Variants in ATXN7L1 observed in about 807,000 individuals in gnomAD.
The protein encoded by ATXN7L1 is ataxin 7 like 1.
Under a neutral mutation model 70.8 loss-of-function variants are expected in ATXN7L1, and 15 were observed. The observed-to-expected ratio is 0.21, with a 90% CI of 0.14 to 0.33. The LOEUF (loss-of-function observed/expected upper bound fraction) is 0.33, where lower values mean the gene tolerates loss of function less well. ATXN7L1 is among the 10% of genes least tolerant of loss of function. The pLI, the probability that ATXN7L1 is intolerant of heterozygous loss-of-function variation, is 1.00. For synonymous variants in ATXN7L1, 440 were observed against 445.1 expected, an observed-to-expected ratio of 0.99 and a Z score of 0.14; for missense variants, 975 against 1,097.1, an observed-to-expected ratio of 0.89 and a Z score of 1.57.
Position 105,857,222 on chromosome 7 carries a change from C to G in ATXN7L1, c.250+18590G>C, listed in dbSNP as rs76357706. Among the ~76,000 whole-genome samples, 1,418 of 152,268 alleles carry G rather than the reference C, an allele frequency of 9.3e-3. 13 individuals are homozygous for G. The highest frequency in any genetic ancestry group is 0.024 in the Middle Eastern group (7 of 294). On this transcript the variant is annotated intron_variant, in intron 2 of 11. Coordinates refer to ENST00000419735, the MANE Select transcript of ATXN7L1 (RefSeq NM_020725.2). Reference sequence around the variant, plus strand: ...ATTAACTTGACTCCTACTAACTATCCTTTACTGTGGCCCATGTAAAACCAC... The same window carrying G: ...ATTAACTTGACTCCTACTAACTATCGTTTACTGTGGCCCATGTAAAACCAC...
chr7:105,844,482 A>G (rs1813679918), intron 2 of ATXN7L1, among the ~76,000 whole-genome samples: 3 of 152,216 alleles, frequency 2.0e-5, no homozygotes, highest in Admixed American at 6.5e-5. Context: ...GCAAAACTAC[A>G]CTATCATCTC....
At chr7:105,700,372 T>G (rs1326968461) in intron 3 of ATXN7L1, among the ~76,000 whole-genome samples, 1 of 151,822 alleles carries the variant, frequency 6.6e-6, no homozygotes, top group Non-Finnish European at 1.5e-5. Context: ...CCAGGCGTGG[T>G]GGCATGCTCC....
intron 2 of ATXN7L1, among the ~76,000 whole-genome samples, chr7:105,866,886 A>G (rs1202117941): frequency 6.6e-6 from 1 of 152,188 alleles, no homozygotes; most frequent in Non-Finnish European, 1.5e-5. Context: ...GGGTCCTTAG[A>G]GAAGAGGGAT....
At position 105,786,165 on chromosome 7, in the gene ATXN7L1, C is replaced by T. The variant is rs146297008; in HGVS notation, c.355+2439G>A. On this transcript the variant is annotated intron_variant, in intron 3 of 11. Transcript: ENST00000419735. ...CTGAGTTGTGATCATGTCCCCATTG[C>T]TGCTTGTCAGCTTGTTCAGCAAGAA... 2.6e-3 allele frequency among the ~76,000 whole-genome samples: 402 copies of T among 152,340 alleles called. 2 individuals are homozygous for T. The highest frequency in any genetic ancestry group is 8.5e-3 in the African/African-American group (355 of 41,566).
In ATXN7L1 at chr7:105,783,484, C is replaced by T. The variant is rs569163691; in HGVS notation, c.355+5120G>A. 1.6e-3 allele frequency among the ~76,000 whole-genome samples: 241 copies of T among 152,172 alleles called. 1 individual carries two copies. The highest frequency in any genetic ancestry group is 5.3e-3 in the African/African-American group (219 of 41,530). On this transcript the variant is annotated intron_variant, in intron 3 of 11. Coordinates refer to ENST00000419735, the MANE Select transcript of ATXN7L1 (RefSeq NM_020725.2). ...ACATAGGCAGTTTCAGGCTGGGGGCCGGTCACCAGAAAGACCAATTGGAGA... is the reference window on the plus strand; with the variant it reads ...ACATAGGCAGTTTCAGGCTGGGGGCTGGTCACCAGAAAGACCAATTGGAGA...
intron 3 of ATXN7L1, among the ~76,000 whole-genome samples, chr7:105,673,491 T>C (rs1318290863): frequency 6.6e-6 from 1 of 152,172 alleles, no homozygotes; most frequent in Admixed American, 6.5e-5. Flanking sequence ...CTTGACAGCA[T>C]GGAGTCTCCT....
At chr7:105,778,166 A>G (rs1169759049) in intron 3 of ATXN7L1, among the ~76,000 whole-genome samples, 1 of 152,154 alleles carries the variant, frequency 6.6e-6, no homozygotes, top group Non-Finnish European at 1.5e-5. Flanking sequence ...TTCAGCCTTC[A>G]AGAAATAGGC....
At chr7:105,803,527 G>A (rs544193028) in intron 2 of ATXN7L1, among the ~76,000 whole-genome samples, 3 of 152,302 alleles carry the variant, frequency 2.0e-5, no homozygotes, top group East Asian at 1.9e-4. Flanking sequence ...GACCTCTCTG[G>A]GGCCCTAGAA....
At chr7:105,676,842 AAAAAC>A (rs1423066076) in intron 3 of ATXN7L1, among the ~76,000 whole-genome samples, 3 of 152,324 alleles carry the variant, frequency 2.0e-5, no homozygotes, top group African/African-American at 7.2e-5. Flanking sequence ...TCTGTCTCAA[AAAAAC>A]AAAACAAAAC....
Position 105,717,436 on chromosome 7 carries a change from T to G in ATXN7L1, c.356-52148A>C, listed in dbSNP as rs113788278. Reference sequence around the variant, plus strand: ...CCACTATGCCTGGCCTAAAATATTTTTTAAAAGATTATTTTAGAGGCTACT... The same window carrying G: ...CCACTATGCCTGGCCTAAAATATTTGTTAAAAGATTATTTTAGAGGCTACT... On this transcript the variant is annotated intron_variant, in intron 3 of 11. Transcript: ENST00000419735. Among the ~76,000 whole-genome samples the G allele has an allele frequency of 2.5e-3, 376 of 152,318 alleles. 1 individual carries two copies. The highest frequency in any genetic ancestry group is 8.6e-3 in the African/African-American group (358 of 41,576).
At chr7:105,857,007 T>G (rs1815840297) in intron 2 of ATXN7L1, among the ~76,000 whole-genome samples, 1 of 152,206 alleles carries the variant, frequency 6.6e-6, no homozygotes, top group Non-Finnish European at 1.5e-5. Flanking sequence ...GAACTGTTTC[T>G]CTTTGGTATT....
At chr7:105,815,152 G>A (rs1321196578) in intron 2 of ATXN7L1, among the ~76,000 whole-genome samples, 3 of 152,126 alleles carry the variant, frequency 2.0e-5, no homozygotes, top group Admixed American at 6.5e-5. Flanking sequence ...TCTCTCAGAC[G>A]TTCTGAAAAC....
At chr7:105,786,275 AG>A (rs1804285236) in intron 3 of ATXN7L1, among the ~76,000 whole-genome samples, 2 of 152,144 alleles carry the variant, frequency 1.3e-5, no homozygotes, top group African/African-American at 2.4e-5. Context: ...GAGCTCCCAA[AG>A]CCATGGGCTG....
chr7:105,698,860 T>A (rs1423285390), intron 3 of ATXN7L1, among the ~76,000 whole-genome samples: 1 of 152,234 alleles, frequency 6.6e-6, no homozygotes, highest in African/African-American at 2.4e-5. Context: ...AACTTTGCTA[T>A]GTGTTTTAAA....
intron 2 of ATXN7L1, among the ~76,000 whole-genome samples, chr7:105,874,521 C>G (rs982134988): frequency 3.3e-5 from 5 of 152,214 alleles, no homozygotes; most frequent in African/African-American, 1.2e-4. Flanking sequence ...CTCGTGCATC[C>G]TGAAGACACC....
chr7:105,854,226 G>A (rs1292493933), intron 2 of ATXN7L1, among the ~76,000 whole-genome samples: 2 of 152,110 alleles, frequency 1.3e-5, no homozygotes, highest in Non-Finnish European at 2.9e-5. Flanking sequence ...CTGACCATCT[G>A]TAATCCATTC....
intron 2 of ATXN7L1, among the ~76,000 whole-genome samples, chr7:105,794,292 T>C (rs1452296647): frequency 2.6e-5 from 4 of 152,174 alleles, no homozygotes; most frequent in African/African-American, 9.7e-5. Flanking sequence ...AGCCAGAAAC[T>C]GAATCATTAA....
chr7:105,672,521 T>C (rs1339304734), intron 3 of ATXN7L1, among the ~76,000 whole-genome samples: 1 of 152,232 alleles, frequency 6.6e-6, no homozygotes, highest in African/African-American at 2.4e-5. Flanking sequence ...ATTTGTCTTT[T>C]AAAAAACTGA....
chr7:105,866,152 C>T (rs1817438251), intron 2 of ATXN7L1, among the ~76,000 whole-genome samples: 1 of 152,100 alleles, frequency 6.6e-6, no homozygotes, highest in Admixed American at 6.5e-5. Flanking sequence ...GGTCACGTAA[C>T]TCACACTCCC....
Sources: allele counts gnomAD v4.1 joint callset (sites outside exome capture counted in the v4.1 genomes callset), GRCh38; gene constraint gnomAD v4.1.1; transcripts MANE v1.5; gene names NCBI Gene and HGNC (gene_info 2026-07-23, HGNC 2026-07-21).